ANK2: variants seen among roughly 807,000 people sequenced by gnomAD.
ANK2 encodes the protein ankyrin 2, also known as ankyrin-2.
In ANK2, 83 loss-of-function variants were observed where a neutral mutation model predicts 360.5. The observed-to-expected ratio is 0.23, with a 90% confidence interval of 0.19 to 0.28. ANK2 has a LOEUF of 0.28. Among genes scored for constraint, ANK2 ranks in the 10% least tolerant of loss-of-function variants. ANK2 has a pLI of 1.00. For missense variants in ANK2, 4,201 were observed against 4,795.7 expected, an observed-to-expected ratio of 0.88 and a Z score of 3.66; for synonymous variants, 1,740 against 1,759.5, an observed-to-expected ratio of 0.99 and a Z score of 0.28.
At chr4:113,001,411 T>G (rs1392058577) in intron 2 of ANK2, among the ~76,000 whole-genome samples, 2 of 150,810 alleles carry the variant, frequency 1.3e-5, no homozygotes, top group African/African-American at 4.9e-5. Context: ...AGTAAATAAC[T>G]AAGCAAAACC....
At chr4:112,860,346 C>A (rs1017125825) in intron 1 of ANK2, among the ~76,000 whole-genome samples, 1 of 152,166 alleles carries the variant, frequency 6.6e-6, no homozygotes, top group African/African-American at 2.4e-5. Flanking sequence ...TCTGCCTCAG[C>A]CGCCTGAGTA....
At chr4:113,323,832 C>A in intron 26 of ANK2, 1 of 1,590,632 alleles carries the variant, frequency 6.3e-7, no homozygotes, top group Non-Finnish European at 8.6e-7. Flanking sequence ...AACATGTTGC[C>A]TATTCCTCTC....
intron 1 of ANK2, among the ~76,000 whole-genome samples, chr4:112,819,690 C>A (rs540446973): frequency 2.6e-5 from 4 of 152,130 alleles, no homozygotes; most frequent in Non-Finnish European, 5.9e-5. Context: ...ATCTTTTGAA[C>A]CCTGTATGTT....
chr4:113,287,690 A>T lies in ANK2; in HGVS notation c.2165A>T (p.Asp722Val). Residue 722 changes from aspartate (D) to valine (V), a missense_variant, in exon 19 of 46, where the codon GAT becomes GTT. By Grantham distance (152) the Asp-to-Val change is radical (BLOSUM62 -3). This residue lies in a region of ANK2 where 1,268 missense variants were observed against 1,650.8 expected (regional missense o/e 0.77). Transcript: ENST00000357077. ...CTCACCAAGCATGGAGCTGATCAGG[A>T]TGCTCATACAAAGGTAAAGCAAATC... ...DILTKHGADQ[D>V]AHTKLGYTPL... 6.2e-7 allele frequency: 1 copy of T among 1,610,582 alleles called. No individual in the cohort carries two copies. The highest frequency in any genetic ancestry group is 8.5e-7 in the Non-Finnish European group (1 of 1,176,880).
rs1239009155 is a variant in ANK2, at chr4:113,240,554, C to T, written c.763C>T (p.Arg255Trp). The change falls in exon 8 of 46, where the codon CGG becomes TGG. Residue 255 changes from arginine to tryptophan, a missense_variant. Coordinates refer to ENST00000357077, the MANE Select transcript of ANK2 (RefSeq NM_001148.6). ...CAACGTGGCAACTCTTCTTCTAAAC[C>T]GGGGAGCTGCTGTGGACTTCACAGC... ...NVNVATLLLN[R>W]GAAVDFTARN... 3.1e-6 allele frequency: 5 copies of T among 1,613,836 alleles called. No homozygotes were observed. The highest frequency in any genetic ancestry group is 1.1e-5 in the South Asian group (1 of 91,074).
intron 10 of ANK2, 138 bp downstream of exon 10, chr4:113,250,000 G>C: frequency 2.8e-6 from 2 of 725,656 alleles, no homozygotes; most frequent in Non-Finnish European, 4.6e-6. Context: ...ATAGGAATAT[G>C]TATCAAACCA....
the ANK2 span, among the ~76,000 whole-genome samples, chr4:112,745,564 G>A: frequency 5.9e-5 from 7 of 119,522 alleles, no homozygotes; most frequent in Non-Finnish European, 8.1e-5. Flanking sequence ...ACAGAGTTTC[G>A]CTCCTGTTGC....
At chr4:113,162,709 C>T (rs187788998) in intron 1 of ANK2, among the ~76,000 whole-genome samples, 93 of 150,956 alleles carry the variant, frequency 6.2e-4, no homozygotes, top group African/African-American at 2.2e-3. Flanking sequence ...ACTTCTGTTC[C>T]TGGTCTATCT....
At chr4:112,886,750 C>T (rs555428417) in intron 1 of ANK2, among the ~76,000 whole-genome samples, 1 of 152,170 alleles carries the variant, frequency 6.6e-6, no homozygotes, top group East Asian at 1.9e-4. Context: ...AGTGATCTAC[C>T]AATAATTTAA....
Position 112,877,846 on chromosome 4 carries a change from CT to C in ANK2, c.-39-26608del, listed in dbSNP as rs2075572195. ...AAAACCTCCACCTTGGATTCTCCAC[CT>C]AGCTAAAATCGTTAAATATTTTTCA... On this transcript the variant is annotated intron_variant, in intron 1 of 30. Coordinates refer to the ANK2 transcript ENST00000503271. 9.8e-5 allele frequency among the ~76,000 whole-genome samples: 15 copies of C among 152,316 alleles called. 1 individual carries two copies. The South Asian group carries it at 1.9e-3, about 19-fold the overall frequency.
chr4:112,899,310 G>A (rs1259584051), intron 1 of ANK2, among the ~76,000 whole-genome samples: 2 of 152,050 alleles, frequency 1.3e-5, no homozygotes, highest in African/African-American at 2.4e-5. Context: ...TAAACTGATT[G>A]CTTAAATTTG....
rs556640912 is a variant in ANK2 at position 113,365,126 on chromosome 4, G to T, written c.10976G>T (p.Arg3659Leu). The change falls in exon 41 of 46, where the codon CGC becomes CTC. Residue 3659 changes from arginine to leucine, a missense_variant. By Grantham distance (102) the Arg-to-Leu change is moderately radical (BLOSUM62 -2). Around this residue, in one of 4 missense-constraint regions of ANK2, gnomAD observed 2,642 missense variants for 2,714.5 expected, o/e 0.97. Transcript: ENST00000357077. ...ACCAACACAGAACCTCTCCAGGAGC[G>T]CATCAGTCATAGTTATGCAGAAATT... Reference protein sequence around the residue: ...METNTEPLQERISHSYAEIEQ... With the variant: ...METNTEPLQELISHSYAEIEQ... 9.5e-5 allele frequency: 154 copies of T among 1,613,902 alleles called. No homozygotes were observed. Among genetic ancestry groups the T allele is most frequent in the Middle Eastern group, 8.2e-4 (5 of 6,062 alleles).
At chr4:112,957,524 G>C (rs1206420856) in intron 2 of ANK2, among the ~76,000 whole-genome samples, 1 of 152,136 alleles carries the variant, frequency 6.6e-6, no homozygotes, top group Non-Finnish European at 1.5e-5. Flanking sequence ...TCAATGAGCT[G>C]TTGGGTACAC....
At chr4:112,839,939 A>C (rs1413269904) in intron 1 of ANK2, among the ~76,000 whole-genome samples, 8 of 152,202 alleles carry the variant, frequency 5.3e-5, no homozygotes. Context: ...TTTCTTGGCC[A>C]GGTTTGTACT....
the ANK2 span, among the ~76,000 whole-genome samples, chr4:112,721,608 G>A: frequency 2.1e-5 from 3 of 142,244 alleles, no homozygotes; most frequent in African/African-American, 7.8e-5. Flanking sequence ...GTCTCTACAC[G>A]CCTGGAAAAG....
intron 2 of ANK2, chr4:112,904,584 A>T: frequency 8.3e-7 from 1 of 1,211,822 alleles, no homozygotes; most frequent in Non-Finnish European, 1.1e-6. Context: ...GAATGTAATT[A>T]AGTACTATTT....
chr4:112,837,503 C>T (rs1280301299), intron 1 of ANK2, among the ~76,000 whole-genome samples: 1 of 152,260 alleles, frequency 6.6e-6, no homozygotes, highest in Admixed American at 6.5e-5. Flanking sequence ...GGCCACCATC[C>T]TCCAGACCCA....
chr4:112,770,650 G>A, the ANK2 span, among the ~76,000 whole-genome samples: 3 of 151,514 alleles, frequency 2.0e-5, no homozygotes, highest in Non-Finnish European at 2.9e-5. Context: ...AGGTTGCAGT[G>A]AACTGAGATT....
At chr4:113,305,339 C>CAAAAAAA (rs10667489) in intron 23 of ANK2, among the ~76,000 whole-genome samples, 26 of 96,944 alleles carry the variant, frequency 2.7e-4, no homozygotes, top group African/African-American at 1.0e-3. Flanking sequence ...GACTCCGTCT[C>CAAAAAAA]AAAAAAAAAA....
Sources: gnomAD v4.1 joint callset for allele counts (sites outside exome capture counted in the v4.1 genomes callset) on GRCh38, gnomAD v4.1.1 for gene constraint, gnomAD v4.1.1 regional missense constraint, MANE v1.5 for transcripts, NCBI Gene and HGNC (gene_info 2026-07-23, HGNC 2026-07-21) for gene names.